The following DIP2B variants were observed in gnomAD, a reference collection of about 807,000 sequenced individuals.
The protein encoded by DIP2B is DIP2 acetate--CoA ligase B (putative), also known as disco-interacting protein 2 homolog B.
DIP2B carries 76 observed loss-of-function variants against 198.0 expected under a neutral mutation model. The ratio of observed to expected loss-of-function variants is 0.38; its 90% CI spans 0.32 to 0.46. The LOEUF (loss-of-function observed/expected upper bound fraction) is 0.46, where lower values mean the gene tolerates loss of function less well. Ranked by LOEUF, DIP2B falls within the 20% of genes least tolerant of loss-of-function variation. The pLI, the probability that DIP2B is intolerant of heterozygous loss-of-function variation, is 0.99. For synonymous variants in DIP2B, 701 were observed against 739.1 expected, an observed-to-expected ratio of 0.95 and a Z score of 0.84; for missense variants, 1,559 against 1,978.4, an observed-to-expected ratio of 0.79 and a Z score of 4.02.
intron 1 of DIP2B, among the ~76,000 whole-genome samples, chr12:50,554,508 G>A (rs567314558): frequency 1.1e-4 from 16 of 151,880 alleles, no homozygotes; most frequent in African/African-American, 3.6e-4. Flanking sequence ...CTATATGATC[G>A]CTCATATCAG....
intron 1 of DIP2B, among the ~76,000 whole-genome samples, chr12:50,584,455 A>G (rs1958752378): frequency 6.6e-6 from 1 of 152,204 alleles, no homozygotes; most frequent in African/African-American, 2.4e-5. Context: ...TCAACTAGAA[A>G]ACTGCTAGAA....
At chr12:50,647,213 A>G (rs1275388825) in intron 3 of DIP2B, among the ~76,000 whole-genome samples, 1 of 151,898 alleles carries the variant, frequency 6.6e-6, no homozygotes, top group African/African-American at 2.4e-5. Context: ...TCATGCCTGG[A>G]TGATTTTTGT....
intron 1 of DIP2B, among the ~76,000 whole-genome samples, chr12:50,538,486 A>G (rs1339655767): frequency 1.3e-5 from 2 of 152,134 alleles, no homozygotes; most frequent in Non-Finnish European, 2.9e-5. Flanking sequence ...AAATGTAGCT[A>G]CTTTCTAAAG....
intron 26 of DIP2B, 48 bp downstream of exon 26, chr12:50,721,444 G>A: frequency 6.2e-7 from 1 of 1,605,940 alleles, no homozygotes; most frequent in Non-Finnish European, 8.5e-7. Flanking sequence ...ATACTAGACT[G>A]ACTACAAATT....
At chr12:50,722,519 G>A (rs1044824789) in intron 26 of DIP2B, among the ~76,000 whole-genome samples, 3 of 152,106 alleles carry the variant, frequency 2.0e-5, no homozygotes, top group African/African-American at 7.2e-5. Context: ...CTTCCAAAGT[G>A]CTGGGATTAC....
intron 1 of DIP2B, among the ~76,000 whole-genome samples, chr12:50,623,392 TACACACACACACACACAC>T (rs55689070): frequency 1.4e-4 from 13 of 94,450 alleles, no homozygotes; most frequent in South Asian, 4.0e-4. Context: ...TATATGTATC[TACACACACACACACACAC>T]ACACACACAC....
chr12:50,691,471 T>A (rs555574230), intron 13 of DIP2B, among the ~76,000 whole-genome samples: 1 of 152,216 alleles, frequency 6.6e-6, no homozygotes, highest in African/African-American at 2.4e-5. Context: ...CTACCAGCTA[T>A]ACATTTGGAG....
chr12:50,631,324 TC>T (rs1323533383), intron 2 of DIP2B, among the ~76,000 whole-genome samples: 1 of 152,188 alleles, frequency 6.6e-6, no homozygotes, highest in East Asian at 1.9e-4. Flanking sequence ...CCTCCTGGGT[TC>T]AAGCAATTCT....
intron 1 of DIP2B, among the ~76,000 whole-genome samples, chr12:50,530,622 G>A (rs1958208798): frequency 6.6e-6 from 1 of 152,198 alleles, no homozygotes; most frequent in South Asian, 2.1e-4. Context: ...CTTACAGGAG[G>A]CTACTGAAAT....
intron 19 of DIP2B, among the ~76,000 whole-genome samples, chr12:50,701,223 G>A (rs1939411228): frequency 6.6e-6 from 1 of 152,182 alleles, no homozygotes; most frequent in Admixed American, 6.5e-5. Context: ...AATTGTACCA[G>A]AAAAGGACAA....
intron 26 of DIP2B, 56 bp from the exon 27 acceptor site, chr12:50,723,146 T>C (rs200839885): frequency 3.8e-6 from 6 of 1,593,026 alleles, no homozygotes; most frequent in Non-Finnish European, 4.3e-6. Flanking sequence ...CCTTTTAGTT[T>C]CTCAGTGCTC....
chr12:50,638,314 G>C (rs1179117690), intron 2 of DIP2B, among the ~76,000 whole-genome samples: 1 of 152,218 alleles, frequency 6.6e-6, no homozygotes, highest in Admixed American at 6.5e-5. Flanking sequence ...GCAGAACAAT[G>C]AAATTGTAAA....
Position 50,640,130 on chromosome 12 carries a change from T to C in DIP2B, c.173-594T>C, listed in dbSNP as rs147046326. Among the ~76,000 whole-genome samples, 168 of 152,302 alleles carry C rather than the reference T, an allele frequency of 1.1e-3. 1 individual carries two copies. The highest frequency in any genetic ancestry group is 3.7e-3 in the African/African-American group (152 of 41,562). On this transcript the variant is annotated intron_variant, in intron 2 of 37. Coordinates refer to ENST00000301180, the MANE Select transcript of DIP2B (RefSeq NM_173602.3). ...TTTTTTTAAGAAACAGATTTGGAAT[T>C]AATCATTTGAGATAAAAAGGCAGGA...
chr12:50,581,963 C>T (rs184566614), intron 1 of DIP2B, among the ~76,000 whole-genome samples: 4 of 152,082 alleles, frequency 2.6e-5, no homozygotes, highest in East Asian at 1.9e-4. Flanking sequence ...GAGAGCTGTG[C>T]GAGCCTGCAC....
intron 2 of DIP2B, among the ~76,000 whole-genome samples, chr12:50,638,678 C>A (rs1027254991): frequency 6.6e-6 from 1 of 152,030 alleles, no homozygotes; most frequent in African/African-American, 2.4e-5. Context: ...GAGTGTGAAA[C>A]CATGGTCAGG....
intron 1 of DIP2B, among the ~76,000 whole-genome samples, chr12:50,598,394 C>G (rs141310989): frequency 6.1e-4 from 93 of 152,046 alleles, no homozygotes; most frequent in African/African-American, 2.2e-3. Context: ...GCCTTCTGTT[C>G]CTCCCTCACA....
intron 1 of DIP2B, among the ~76,000 whole-genome samples, chr12:50,567,689 G>A (rs371321829): frequency 9.6e-4 from 146 of 152,168 alleles, no homozygotes; most frequent in South Asian, 4.8e-3. Flanking sequence ...CACCATGCTT[G>A]GCTAATTTTT....
At chr12:50,636,630 CAG>C (rs1938164449) in intron 2 of DIP2B, among the ~76,000 whole-genome samples, 1 of 152,216 alleles carries the variant, frequency 6.6e-6, no homozygotes, top group Non-Finnish European at 1.5e-5. Flanking sequence ...CATCATCTCA[CAG>C]GGTGCTGCTG....
intron 20 of DIP2B, among the ~76,000 whole-genome samples, chr12:50,705,230 A>T (rs925392579): frequency 6.6e-6 from 1 of 152,136 alleles, no homozygotes; most frequent in Non-Finnish European, 1.5e-5. Context: ...TCCACTTAAC[A>T]TCTTCAGTCA....
Sources: allele counts gnomAD v4.1 joint callset (sites outside exome capture counted in the v4.1 genomes callset), GRCh38; gene constraint gnomAD v4.1.1; transcripts MANE v1.5; gene names NCBI Gene and HGNC (gene_info 2026-07-23, HGNC 2026-07-21).